DCC: variants seen among roughly 807,000 people sequenced by gnomAD.
DCC encodes netrin receptor DCC.
In DCC, 58 loss-of-function variants were observed where a neutral mutation model predicts 172.5. That is an observed-to-expected ratio of 0.34 (90% CI 0.27 to 0.42). The LOEUF is 0.42. Among genes scored for constraint, DCC ranks in the 10% least tolerant of loss-of-function variants. The pLI is 1.00. For synonymous variants in DCC, 709 were observed against 644.5 expected, an observed-to-expected ratio of 1.10 and a Z score of -1.52; for missense variants, 1,740 against 1,791.0, an observed-to-expected ratio of 0.97 and a Z score of 0.51.
intron 25 of DCC, among the ~76,000 whole-genome samples, chr18:53,484,442 G>A (rs753357452): frequency 6.6e-6 from 1 of 151,770 alleles, no homozygotes; most frequent in Non-Finnish European, 1.5e-5. Context: ...GTCTGGTGCA[G>A]TTTCATTTAT....
chr18:53,353,401 G>A (rs972451119), intron 15 of DCC, among the ~76,000 whole-genome samples: 2 of 101,168 alleles, frequency 2.0e-5, no homozygotes, highest in East Asian at 5.8e-4. Context: ...TAAAACCTGA[G>A]CTAAGACAAA....
At position 52,363,008 on chromosome 18, in the gene DCC, CCTGCCT is replaced by C. The variant is rs534911135; in HGVS notation, c.91+22132_91+22137del. Among the ~76,000 whole-genome samples, 551 of 152,218 alleles carry C rather than the reference CCTGCCT, an allele frequency of 3.6e-3. 4 individuals are homozygous for C. Among genetic ancestry groups the C allele is most frequent in the South Asian group, 7.3e-3 (35 of 4,812 alleles). On this transcript the variant is annotated intron_variant, in intron 1 of 28. Transcript: ENST00000442544. ...CTGCCTTCCGGGTTCAAGCGATTAC[CCTGCCT>C]CAGCCTCAGGAGTAGCTAGGATTAC...
At chr18:53,046,260 G>A (rs2042236144) in intron 5 of DCC, among the ~76,000 whole-genome samples, 1 of 151,824 alleles carries the variant, frequency 6.6e-6, no homozygotes. Flanking sequence ...CCCTTAAACT[G>A]CCTTTGAGTC....
At chr18:52,772,571 G>C (rs908224193) in intron 2 of DCC, among the ~76,000 whole-genome samples, 1 of 152,162 alleles carries the variant, frequency 6.6e-6, no homozygotes. Context: ...AAAGGGAAAA[G>C]CACATCTCTA....
chr18:53,024,479 C>T (rs1320130425), intron 5 of DCC, among the ~76,000 whole-genome samples: 1 of 152,112 alleles, frequency 6.6e-6, no homozygotes, highest in Non-Finnish European at 1.5e-5. Context: ...ATGCTTTTTA[C>T]TCTCATTAGC....
intron 1 of DCC, among the ~76,000 whole-genome samples, chr18:52,497,081 T>C (rs2030784902): frequency 6.6e-6 from 1 of 150,746 alleles, no homozygotes; most frequent in Non-Finnish European, 1.5e-5. Flanking sequence ...TGACAAGACT[T>C]CATCCCTTAC....
intron 7 of DCC, among the ~76,000 whole-genome samples, chr18:53,130,526 C>T (rs2043635655): frequency 6.6e-6 from 1 of 152,098 alleles, no homozygotes; most frequent in Non-Finnish European, 1.5e-5. Flanking sequence ...AAGTTCTCCC[C>T]ATGTGATACC....
At chr18:52,465,174 T>C (rs374832677) in intron 1 of DCC, among the ~76,000 whole-genome samples, 4 of 152,082 alleles carry the variant, frequency 2.6e-5, no homozygotes, top group African/African-American at 9.7e-5. Flanking sequence ...TTTTAATAAC[T>C]TCATCCTACA....
intron 12 of DCC, among the ~76,000 whole-genome samples, chr18:53,217,278 CACACACACACACACACACACACAT>C (rs1483658442): frequency 1.7e-5 from 2 of 118,358 alleles, no homozygotes; most frequent in Non-Finnish European, 3.3e-5. Flanking sequence ...CACACACACA[CACACACACACACACACACACACAT>C]ATGTATATAC....
chr18:52,817,803 A>ATATATATATGTGTG (rs375371359), intron 2 of DCC, among the ~76,000 whole-genome samples: 93 of 151,536 alleles, frequency 6.1e-4, no homozygotes, highest in African/African-American at 2.2e-3. Context: ...ATATATATAT[A>ATATATATATGTGTG]TGTGTGTGTG....
intron 2 of DCC, among the ~76,000 whole-genome samples, chr18:52,840,451 T>A (rs1301265193): frequency 6.6e-6 from 1 of 152,194 alleles, no homozygotes; most frequent in East Asian, 1.9e-4. Flanking sequence ...GGTGCCTGCA[T>A]TCTCAGTAAC....
At chr18:53,172,121 C>T (rs1332339900) in intron 8 of DCC, among the ~76,000 whole-genome samples, 1 of 152,068 alleles carries the variant, frequency 6.6e-6, no homozygotes, top group African/African-American at 2.4e-5. Flanking sequence ...GCATATACAC[C>T]ATGGAATACT....
chr18:53,047,614 T>G (rs2042274372), intron 5 of DCC, among the ~76,000 whole-genome samples: 1 of 150,584 alleles, frequency 6.6e-6, no homozygotes, highest in African/African-American at 2.4e-5. Context: ...TTTGCAAGTC[T>G]CAAGCTTTTA....
intron 25 of DCC, among the ~76,000 whole-genome samples, chr18:53,478,579 A>G (rs1247389421): frequency 2.6e-5 from 4 of 152,212 alleles, no homozygotes; most frequent in African/African-American, 9.6e-5. Flanking sequence ...ATCATTCTTT[A>G]AAGGAAAAAG....
chr18:53,114,150 T>C (rs1598815476), intron 7 of DCC, among the ~76,000 whole-genome samples: 1 of 151,700 alleles, frequency 6.6e-6, no homozygotes, highest in East Asian at 2.0e-4. Flanking sequence ...CATGTTTATG[T>C]AAATGACATC....
chr18:53,252,504 C>A (rs779527982), intron 12 of DCC, among the ~76,000 whole-genome samples: 18 of 151,878 alleles, frequency 1.2e-4, no homozygotes, highest in Non-Finnish European at 2.2e-4. Flanking sequence ...TTTTCAAACC[C>A]CAAAAGGCAA....
intron 2 of DCC, among the ~76,000 whole-genome samples, chr18:52,777,122 GC>G (rs1208836279): frequency 6.6e-6 from 1 of 152,100 alleles, no homozygotes; most frequent in East Asian, 1.9e-4. Flanking sequence ...GTGTTTTGGT[GC>G]CCCGTTAACT....
At chr18:53,238,937 C>T (rs895945985) in intron 12 of DCC, among the ~76,000 whole-genome samples, 3 of 150,910 alleles carry the variant, frequency 2.0e-5, no homozygotes, top group Non-Finnish European at 4.4e-5. Context: ...AGCAAACTAT[C>T]GCAAGGACAA....
At chr18:52,975,478 A>G (rs768776205) in intron 5 of DCC, among the ~76,000 whole-genome samples, 6 of 152,056 alleles carry the variant, frequency 3.9e-5, no homozygotes, top group Non-Finnish European at 8.8e-5. Context: ...ACTGATACCC[A>G]TTAGTTGCTT....
Sources: gnomAD v4.1 joint callset for allele counts (sites outside exome capture counted in the v4.1 genomes callset) on GRCh38, gnomAD v4.1.1 for gene constraint, MANE v1.5 for transcripts, NCBI Gene and HGNC (gene_info 2026-07-23, HGNC 2026-07-21) for gene names.